ZNF385D: variants seen among roughly 807,000 people sequenced by gnomAD.
The protein encoded by ZNF385D is zinc finger protein 659.
In ZNF385D, 15 loss-of-function variants were observed where a neutral mutation model predicts 35.8. The observed-to-expected ratio is 0.42, with a 90% CI of 0.28 to 0.64. ZNF385D has a LOEUF of 0.64. Among genes scored for constraint, ZNF385D ranks in the 30% least tolerant of loss-of-function variants. The probability of loss-of-function intolerance (pLI) is 0.23; values close to 1 mark genes in which losing one functional copy is unlikely to be tolerated. For missense variants in ZNF385D, 474 were observed against 494.6 expected, an observed-to-expected ratio of 0.96 and a Z score of 0.39; for synonymous variants, 212 against 186.8, an observed-to-expected ratio of 1.13 and a Z score of -1.10.
intron 2 of ZNF385D, among the ~76,000 whole-genome samples, chr3:22,240,665 C>T (rs1348159754): frequency 6.6e-6 from 1 of 150,932 alleles, no homozygotes; most frequent in African/African-American, 2.5e-5. Context: ...AATTGCTGCC[C>T]TCTTGATCCT....
At chr3:22,265,029 C>T (rs746791895) in intron 2 of ZNF385D, among the ~76,000 whole-genome samples, 5 of 151,812 alleles carry the variant, frequency 3.3e-5, no homozygotes, top group African/African-American at 1.2e-4. Flanking sequence ...TTTCATGCAA[C>T]ATATTATTGA....
At chr3:21,846,979 G>C (rs1372264401) in intron 3 of ZNF385D, among the ~76,000 whole-genome samples, 1 of 152,038 alleles carries the variant, frequency 6.6e-6, no homozygotes, top group African/African-American at 2.4e-5. Flanking sequence ...TAACTAGTCA[G>C]AGGTAAAGTA....
chr3:22,295,614 C>CTGA (rs1176570506), intron 2 of ZNF385D, among the ~76,000 whole-genome samples: 3 of 152,016 alleles, frequency 2.0e-5, no homozygotes, highest in Admixed American at 6.6e-5. Flanking sequence ...TAGTCTAGGG[C>CTGA]TGAACTAGGT....
intron 2 of ZNF385D, among the ~76,000 whole-genome samples, chr3:22,197,439 C>G (rs2125236493): frequency 6.6e-6 from 1 of 152,138 alleles, no homozygotes; most frequent in Non-Finnish European, 1.5e-5. Flanking sequence ...TGAAATCTCT[C>G]CAGCTTTGAC....
intron 3 of ZNF385D, among the ~76,000 whole-genome samples, chr3:21,913,643 T>C (rs1253062077): frequency 2.0e-5 from 3 of 152,158 alleles, no homozygotes; most frequent in Non-Finnish European, 4.4e-5. Flanking sequence ...CAAAAGATGC[T>C]ATTCTTTCTG....
At chr3:22,350,688 TTTG>T (rs1255560893) in intron 2 of ZNF385D, among the ~76,000 whole-genome samples, 1 of 152,110 alleles carries the variant, frequency 6.6e-6, no homozygotes, top group Non-Finnish European at 1.5e-5. Flanking sequence ...ATTTCTTTTT[TTTG>T]TTGTTTTTTT....
intron 3 of ZNF385D, among the ~76,000 whole-genome samples, chr3:22,022,381 G>T (rs972322296): frequency 3.3e-5 from 5 of 152,096 alleles, no homozygotes; most frequent in African/African-American, 1.2e-4. Context: ...TTTGAATGCT[G>T]AAAAGATCAG....
intron 3 of ZNF385D, among the ~76,000 whole-genome samples, chr3:22,125,476 T>C (rs1214904241): frequency 1.3e-5 from 2 of 152,150 alleles, no homozygotes; most frequent in African/African-American, 2.4e-5. Flanking sequence ...TGACAAGGAT[T>C]GCATTGAACT....
chr3:22,342,134 G>A (rs1042170100), intron 2 of ZNF385D, among the ~76,000 whole-genome samples: 2 of 151,750 alleles, frequency 1.3e-5, no homozygotes, highest in Admixed American at 6.6e-5. Context: ...AAAATTAGCC[G>A]GGCATGGTGG....
At chr3:21,701,163 T>G (rs2067668091) in intron 1 of ZNF385D, among the ~76,000 whole-genome samples, 1 of 152,212 alleles carries the variant, frequency 6.6e-6, no homozygotes, top group African/African-American at 2.4e-5. Flanking sequence ...TGCAGGTATG[T>G]GTTGTCCATT....
intron 4 of ZNF385D, among the ~76,000 whole-genome samples, chr3:21,448,810 T>C (rs879546458): frequency 6.6e-6 from 1 of 152,064 alleles, no homozygotes; most frequent in Non-Finnish European, 1.5e-5. Flanking sequence ...TCTCCTGTTA[T>C]TCCCATTAGC....
chr3:22,136,864 T>C (rs1446653361), intron 3 of ZNF385D, among the ~76,000 whole-genome samples: 5 of 152,208 alleles, frequency 3.3e-5, no homozygotes, highest in South Asian at 2.1e-4. Context: ...ATTCCAACTA[T>C]GTGACATTAC....
chr3:22,150,581 A>T (rs1348885706), intron 3 of ZNF385D, among the ~76,000 whole-genome samples: 1 of 152,146 alleles, frequency 6.6e-6, no homozygotes, highest in Non-Finnish European at 1.5e-5. Context: ...ACTAAAAAGA[A>T]GATAAATATT....
At chr3:22,336,908 T>TTAAAAAAAAAA (rs1559527421) in intron 2 of ZNF385D, among the ~76,000 whole-genome samples, 1 of 1,056 alleles carries the variant, frequency 9.5e-4, no homozygotes, top group Non-Finnish European at 5.3e-3. Context: ...CAGTGATTTT[T>TTAAAAAAAAAA]CAAAAAAAAA....
chr3:22,129,976 C>G (rs1355251523), intron 3 of ZNF385D, among the ~76,000 whole-genome samples: 2 of 152,130 alleles, frequency 1.3e-5, no homozygotes, highest in East Asian at 3.9e-4. Flanking sequence ...ATGGCGACTG[C>G]TGCCTGGCTA....
chr3:21,660,956 A>C (rs1015715973), intron 2 of ZNF385D, among the ~76,000 whole-genome samples: 1 of 152,178 alleles, frequency 6.6e-6, no homozygotes, highest in African/African-American at 2.4e-5. Context: ...AGAGACTGGA[A>C]GCCTGAGGCT....
At chr3:22,044,413 T>C (rs1333608905) in intron 3 of ZNF385D, among the ~76,000 whole-genome samples, 1 of 151,982 alleles carries the variant, frequency 6.6e-6, no homozygotes, top group Non-Finnish European at 1.5e-5. Flanking sequence ...CCCACTGTGT[T>C]TGGGGGATAG....
Position 22,080,526 on chromosome 3 carries a change from A to T in ZNF385D, c.325+88291T>A, listed in dbSNP as rs1238801181. 3.3e-5 allele frequency among the ~76,000 whole-genome samples: 5 copies of T among 152,122 alleles called. No homozygotes were observed. The South Asian group carries it at 1.0e-3, about 32-fold the overall frequency. On this transcript the variant is annotated intron_variant, in intron 3 of 5. Transcript: ENST00000494108. ...AATAAGCGGCCACTCAGTATATAACAGTTATTAACTTTATAAACTCTTATA... is the reference window on the plus strand; with the variant it reads ...AATAAGCGGCCACTCAGTATATAACTGTTATTAACTTTATAAACTCTTATA...
intron 2 of ZNF385D, among the ~76,000 whole-genome samples, chr3:21,625,593 C>G (rs2065113691): frequency 6.6e-6 from 1 of 152,048 alleles, no homozygotes; most frequent in Admixed American, 6.6e-5. Context: ...CTTAATTTGA[C>G]CATAACTTTA....
Sources: gnomAD v4.1 joint callset for allele counts (sites outside exome capture counted in the v4.1 genomes callset) on GRCh38, gnomAD v4.1.1 for gene constraint, MANE v1.5 for transcripts, NCBI Gene and HGNC (gene_info 2026-07-23, HGNC 2026-07-21) for gene names.